Variants in DNAH3 observed in about 807,000 individuals in gnomAD.
The protein encoded by DNAH3 is dynein axonemal heavy chain 3.
DNAH3 carries 332 observed loss-of-function variants against 432.5 expected under a neutral mutation model. The observed-to-expected ratio is 0.77, with a 90% CI of 0.70 to 0.84. The LOEUF (loss-of-function observed/expected upper bound fraction) is 0.84, where lower values mean the gene tolerates loss of function less well. Among genes scored for constraint, DNAH3 ranks in the 40% least tolerant of loss-of-function variants. DNAH3 has a pLI of 0.00. For missense variants in DNAH3, 4,861 were observed against 5,114.0 expected (o/e 0.95, Z 1.51); for synonymous variants, 1,956 against 1,900.2 (o/e 1.03, Z -0.76).
chr16:21,072,843 CTAT>C (rs749609788), intron 21 of DNAH3, among the ~76,000 whole-genome samples: 126 of 115,822 alleles, frequency 1.1e-3, no homozygotes, highest in African/African-American at 3.5e-3. Flanking sequence ...ATTATTATTA[CTAT>C]TATTATTATT....
chr16:20,962,684 G>A (rs2084880865), intron 53 of DNAH3, among the ~76,000 whole-genome samples: 1 of 152,074 alleles, frequency 6.6e-6, no homozygotes, highest in African/African-American at 2.4e-5. Flanking sequence ...GGGGGAGGGG[G>A]CAGGGTCTGT....
At chr16:20,988,513 CAA>C (rs1326560324) in intron 44 of DNAH3, among the ~76,000 whole-genome samples, 1 of 152,178 alleles carries the variant, frequency 6.6e-6, no homozygotes, top group East Asian at 1.9e-4. Flanking sequence ...CTCCCGGGCT[CAA>C]GAGATTCTCC....
At chr16:21,040,358 ATTTTTTTTT>A (rs55797285) in intron 32 of DNAH3, among the ~76,000 whole-genome samples, 20 of 79,742 alleles carry the variant, frequency 2.5e-4, no homozygotes, top group Non-Finnish European at 3.3e-4. Context: ...AGCCAGACAG[ATTTTTTTTT>A]TTTTTTTTTT....
chr16:20,945,268 C>T (rs983425044), intron 57 of DNAH3, among the ~76,000 whole-genome samples: 6 of 152,192 alleles, frequency 3.9e-5, no homozygotes, highest in East Asian at 1.9e-4. Context: ...CTCCCACCAG[C>T]GCCATGACTG....
intron 40 of DNAH3, among the ~76,000 whole-genome samples, chr16:21,020,348 G>GTGTGTATATATATATATATATATATGTC: frequency 5.8e-5 from 4 of 69,178 alleles, no homozygotes; most frequent in Admixed American, 2.2e-4. Context: ...TATAGTGTGT[G>GTGTGTATATATATATATATATATATGTC]TATATATATA....
intron 59 of DNAH3, among the ~76,000 whole-genome samples, chr16:20,940,853 C>A (rs973069552): frequency 6.6e-6 from 1 of 152,138 alleles, no homozygotes; most frequent in Non-Finnish European, 1.5e-5. Flanking sequence ...CACCACTTTA[C>A]GAGGCCAAGG....
At chr16:20,964,654 C>A (rs759911638) in exon 53 of DNAH3, 4 of 1,614,128 alleles carry the variant, frequency 2.5e-6, no homozygotes, top group South Asian at 1.1e-5. Flanking sequence ...TAAGGCCCAG[C>A]GTCTGGAATT....
chr16:21,023,675 G>A (rs985804936), intron 39 of DNAH3, among the ~76,000 whole-genome samples: 6 of 152,052 alleles, frequency 3.9e-5, no homozygotes, highest in East Asian at 3.9e-4. Context: ...AGAGGCAGGC[G>A]GGGCCAGATC....
At chr16:21,051,776 T>C (rs2089965175) in exon 29 of DNAH3, 1 of 1,613,990 alleles carries the variant, frequency 6.2e-7, no homozygotes, top group Non-Finnish European at 8.5e-7. Flanking sequence ...TGCACATCCT[T>C]GGCCACCCAG....
intron 10 of DNAH3, among the ~76,000 whole-genome samples, chr16:21,121,345 G>A (rs1007731370): frequency 1.3e-5 from 2 of 152,198 alleles, no homozygotes; most frequent in African/African-American, 2.4e-5. Flanking sequence ...GAAAGGGCGT[G>A]GGCCAGGAAA....
rs529025551 is a variant in DNAH3 at position 21,127,425 on chromosome 16, G to T, written c.1208+262C>A. Among the ~76,000 whole-genome samples the T allele has an allele frequency of 1.6e-4, 25 of 151,892 alleles. No individual in the cohort carries two copies. The South Asian group carries it at 5.2e-3, about 32-fold the overall frequency. The stretch of plus-strand genomic sequence containing the variant: ...AAAAAAAAAAAAATAGCCGGGCATG[G>T]TGGCATGCACCTGTAGTCCCAGCTA... On this transcript the variant is annotated intron_variant, in intron 8 of 61. Coordinates refer to ENST00000261383, the Ensembl canonical transcript of DNAH3.
chr16:21,027,936 G>A (rs2088656435), intron 37 of DNAH3, among the ~76,000 whole-genome samples: 2 of 152,112 alleles, frequency 1.3e-5, no homozygotes, highest in African/African-American at 4.8e-5. Context: ...CACCCGCATG[G>A]ACTAATCCAT....
intron 57 of DNAH3, among the ~76,000 whole-genome samples, chr16:20,945,483 C>T (rs1256295983): frequency 6.6e-6 from 1 of 150,512 alleles, no homozygotes. Context: ...AGTAGCCATT[C>T]TTTATTCCTT....
intron 20 of DNAH3, 125 bp downstream of exon 20, chr16:21,081,511 C>T (rs2091184507): frequency 1.4e-6 from 1 of 697,784 alleles, no homozygotes; most frequent in East Asian, 2.6e-5. Context: ...ATTAAATAGC[C>T]TTAAGCCACC....
chr16:20,950,269 T>C (rs2084252234), intron 56 of DNAH3, among the ~76,000 whole-genome samples: 1 of 152,190 alleles, frequency 6.6e-6, no homozygotes, highest in Non-Finnish European at 1.5e-5. Context: ...AATGTGACCT[T>C]CTGGCACTGA....
intron 54 of DNAH3, among the ~76,000 whole-genome samples, chr16:20,956,592 A>G (rs1184175886): frequency 6.6e-6 from 1 of 152,222 alleles, no homozygotes; most frequent in Non-Finnish European, 1.5e-5. Flanking sequence ...ATGTCAACAT[A>G]AATAACTTTT....
At position 20,968,553 on chromosome 16, in the gene DNAH3, A is replaced by G. The variant is rs753077175; in HGVS notation, c.8458+1239T>C. Reference sequence around the variant, plus strand: ...AATTTAAATTTGAAGGAGAATGAATATTCACCTGTTAATGTTTCTAGGCTC... The same window carrying G: ...AATTTAAATTTGAAGGAGAATGAATGTTCACCTGTTAATGTTTCTAGGCTC... On this transcript the variant is annotated intron_variant, in intron 52 of 61. Transcript: ENST00000261383. 1.1e-4 allele frequency among the ~76,000 whole-genome samples: 17 copies of G among 152,230 alleles called. No individual in the cohort carries two copies. The South Asian group carries it at 3.3e-3, about 30-fold the overall frequency.
chr16:21,131,206 A>G (rs2092549488), intron 7 of DNAH3, among the ~76,000 whole-genome samples: 1 of 152,024 alleles, frequency 6.6e-6, no homozygotes, highest in Admixed American at 6.6e-5. Flanking sequence ...ACATGGTGGC[A>G]TGCACCTATA....
intron 14 of DNAH3, among the ~76,000 whole-genome samples, chr16:21,108,013 G>GC (rs1567803954): frequency 6.6e-6 from 1 of 151,524 alleles, no homozygotes; most frequent in Non-Finnish European, 1.5e-5. Context: ...TACAGGCACC[G>GC]CCCCCACCCA....
Sources: gnomAD v4.1 joint callset for allele counts (sites outside exome capture counted in the v4.1 genomes callset) on GRCh38, gnomAD v4.1.1 for gene constraint, MANE v1.5 for transcripts, NCBI Gene and HGNC (gene_info 2026-07-23, HGNC 2026-07-21) for gene names.